HPGDS: variants seen among roughly 807,000 people sequenced by gnomAD.
HPGDS encodes the protein GST class-sigma.
A neutral mutation model predicts 23.1 loss-of-function variants in HPGDS; 26 were observed. The observed-to-expected ratio is 1.13, with a 90% CI of 0.83 to 1.56. The LOEUF is 1.56. Ranked by LOEUF, HPGDS falls within the 40% of genes most tolerant of loss-of-function variation. The pLI, the probability that HPGDS is intolerant of heterozygous loss-of-function variation, is 0.00. For missense variants in HPGDS, 268 were observed against 236.4 expected (o/e 1.13, Z -0.88); for synonymous variants, 95 against 77.9 (o/e 1.22, Z -1.16).
At chr4:94,332,983 A>G (rs1756760722) in intron 2 of HPGDS, among the ~76,000 whole-genome samples, 1 of 152,156 alleles carries the variant, frequency 6.6e-6, no homozygotes, top group African/African-American at 2.4e-5. Flanking sequence ...ATTAAAGGAG[A>G]GAAAAAACGT....
chr4:94,308,130 C>T (rs1387941988), intron 4 of HPGDS, among the ~76,000 whole-genome samples: 1 of 152,046 alleles, frequency 6.6e-6, no homozygotes, highest in Non-Finnish European at 1.5e-5. Context: ...TCATTTACAC[C>T]TTATACACAT....
intron 4 of HPGDS, among the ~76,000 whole-genome samples, chr4:94,302,811 CTAGT>C (rs1160391786): frequency 2.0e-5 from 3 of 152,012 alleles, no homozygotes; most frequent in Admixed American, 6.6e-5. Flanking sequence ...AATGCATCAT[CTAGT>C]TATCCCCTCT....
At chr4:94,334,728 CA>C in intron 1 of HPGDS, 90 bp from the exon 2 acceptor site, 1 of 1,195,774 alleles carries the variant, frequency 8.4e-7, no homozygotes, top group Non-Finnish European at 1.2e-6. Flanking sequence ...AACTTTATGG[CA>C]TCTCTTGAGA....
Position 94,299,447 on chromosome 4 carries a change from G to A in HPGDS, c.*33C>T, listed in dbSNP as rs376813884. The A allele has an allele frequency of 1.0e-4, 159 of 1,573,018 alleles. No homozygotes were observed. The highest frequency in any genetic ancestry group is 1.9e-4 in the Middle Eastern group (1 of 5,306). ...CTTATCTGATGAGAGAGATGCCCCC[G>A]AGAAAAACAAACTTGAAGGCAACAT... On this transcript the variant is annotated 3_prime_UTR_variant, in exon 6 of 6. Coordinates refer to ENST00000295256, the MANE Select transcript of HPGDS (RefSeq NM_014485.3).
chr4:94,315,877 T>G (rs1406830169), intron 3 of HPGDS, among the ~76,000 whole-genome samples: 1 of 152,212 alleles, frequency 6.6e-6, no homozygotes, highest in Non-Finnish European at 1.5e-5. Flanking sequence ...TAAAAATTTA[T>G]GGAGGTGACT....
At chr4:94,303,465 C>G (rs940775072) in intron 4 of HPGDS, among the ~76,000 whole-genome samples, 6 of 152,132 alleles carry the variant, frequency 3.9e-5, no homozygotes, top group Non-Finnish European at 8.8e-5. Flanking sequence ...GGATACTCAA[C>G]ATGTACTTAC....
In HPGDS at chr4:94,304,499, A is replaced by G. The variant is rs184844003; in HGVS notation, c.337-2255T>C. On this transcript the variant is annotated intron_variant, in intron 4 of 5. Coordinates refer to ENST00000295256, the MANE Select transcript of HPGDS (RefSeq NM_014485.3). ...GTAGATTTTTAAGGTGTATATGACA[A>G]GAATATATTCACTATCCATCTTAAG... Among the ~76,000 whole-genome samples, 245 of 152,242 alleles carry G rather than the reference A, an allele frequency of 1.6e-3. 5 individuals are homozygous for G. The East Asian group carries it at 0.044, about 27-fold the overall frequency.
chr4:94,300,372 T>C (rs1372591635), intron 5 of HPGDS, among the ~76,000 whole-genome samples: 18 of 152,262 alleles, frequency 1.2e-4, no homozygotes, highest in Admixed American at 1.2e-3. Flanking sequence ...TACAGTTGTA[T>C]GTTTTTATCT....
intron 1 of HPGDS, among the ~76,000 whole-genome samples, chr4:94,340,311 CTTTTTTTTTTTTTTTTTTTTTTTTTTTT>C (rs869240610): frequency 2.1e-4 from 5 of 23,676 alleles, no homozygotes; most frequent in Non-Finnish European, 4.3e-4. Context: ...CTTTCTTTCT[CTTTTTTTTTTTTTTTTTTTTTTTTTTTT>C]TTTTTTTTTT....
chr4:94,306,405 A>G (rs1416675821), intron 4 of HPGDS, among the ~76,000 whole-genome samples: 1 of 152,140 alleles, frequency 6.6e-6, no homozygotes, highest in African/African-American at 2.4e-5. Context: ...AGAACCCACA[A>G]GGAAGTGGAA....
rs1469582744 is a variant in HPGDS at position 94,298,569 on chromosome 4, G to C, written c.*911C>G. ...TGGGCTGAGTCCGAAAAGAGAGTCAGCCGAGTTTTATGAGTTCTATATAAT... is the reference window on the plus strand; with the variant it reads ...TGGGCTGAGTCCGAAAAGAGAGTCACCCGAGTTTTATGAGTTCTATATAAT... On this transcript the variant is annotated 3_prime_UTR_variant, in exon 6 of 6. Coordinates refer to ENST00000295256, the MANE Select transcript of HPGDS (RefSeq NM_014485.3). The C allele has an allele frequency of 2.6e-5, 4 of 152,302 alleles. No homozygotes were observed. Among genetic ancestry groups the C allele is most frequent in the African/African-American group, 9.6e-5 (4 of 41,472 alleles). 9.4% of individuals were successfully genotyped at this position (152,302 alleles called of 1,614,324 possible).
At chr4:94,303,814 T>G (rs1249493617) in intron 4 of HPGDS, 1 of 152,158 alleles carries the variant, frequency 6.6e-6, no homozygotes, top group African/African-American at 2.4e-5. Context: ...GAGCTTCAGG[T>G]GCACCAATGT....
At chr4:94,313,535 G>C (rs1756326989) in intron 3 of HPGDS, among the ~76,000 whole-genome samples, 1 of 152,132 alleles carries the variant, frequency 6.6e-6, no homozygotes, top group Non-Finnish European at 1.5e-5. Context: ...TTTCCTTTGT[G>C]GGTAACCCGA....
intron 3 of HPGDS, among the ~76,000 whole-genome samples, chr4:94,313,788 A>G (rs1464780327): frequency 1.3e-5 from 2 of 152,124 alleles, no homozygotes; most frequent in Admixed American, 6.6e-5. Flanking sequence ...TCAGACGTAG[A>G]TTTGGTCTTT....
chr4:94,325,593 C>T (rs1297726856), intron 2 of HPGDS, among the ~76,000 whole-genome samples: 4 of 152,244 alleles, frequency 2.6e-5, no homozygotes, highest in South Asian at 4.2e-4. Flanking sequence ...CTGAGCCAGG[C>T]GTGGGATATA....
intron 4 of HPGDS, among the ~76,000 whole-genome samples, chr4:94,305,759 T>C (rs1408456018): frequency 6.6e-6 from 1 of 152,094 alleles, no homozygotes; most frequent in African/African-American, 2.4e-5. Context: ...CATGAAACTC[T>C]TGTTTTCTTA....
chr4:94,313,498 G>A (rs1389879885), intron 3 of HPGDS, among the ~76,000 whole-genome samples: 1 of 152,198 alleles, frequency 6.6e-6, no homozygotes, highest in Non-Finnish European at 1.5e-5. Flanking sequence ...AGTTTCTGCT[G>A]AGAGATCAGC....
intron 2 of HPGDS, among the ~76,000 whole-genome samples, chr4:94,321,137 C>T (rs1218353347): frequency 6.6e-6 from 1 of 152,122 alleles, no homozygotes; most frequent in Non-Finnish European, 1.5e-5. Context: ...TGTTTTGGTA[C>T]CAGTACCATG....
At chr4:94,314,312 G>A (rs547388137) in intron 3 of HPGDS, among the ~76,000 whole-genome samples, 1 of 152,278 alleles carries the variant, frequency 6.6e-6, no homozygotes, top group African/African-American at 2.4e-5. Context: ...TACAGATGGA[G>A]TTTTGGTGTG....
Sources: allele counts gnomAD v4.1 joint callset (sites outside exome capture counted in the v4.1 genomes callset), GRCh38; gene constraint gnomAD v4.1.1; transcripts MANE v1.5; gene names NCBI Gene and HGNC (gene_info 2026-07-23, HGNC 2026-07-21).